Variants in MCF2L2 observed in about 807,000 individuals in gnomAD.
MCF2L2 encodes the protein MCF.2 cell line derived transforming sequence-like 2, also known as probable guanine nucleotide exchange factor MCF2L2.
A neutral mutation model predicts 150.2 loss-of-function variants in MCF2L2; 102 were observed. The ratio of observed to expected loss-of-function variants is 0.68; its 90% CI spans 0.58 to 0.80. The LOEUF is 0.80. Ranked by LOEUF, MCF2L2 falls within the 30% of genes least tolerant of loss-of-function variation. The pLI, the probability that MCF2L2 is intolerant of heterozygous loss-of-function variation, is 0.00. For synonymous variants in MCF2L2, 465 were observed against 491.3 expected, an observed-to-expected ratio of 0.95 and a Z score of 0.71; for missense variants, 1,256 against 1,372.8, an observed-to-expected ratio of 0.91 and a Z score of 1.34.
chr3:183,232,382 A>C (rs1457100550), intron 15 of MCF2L2, among the ~76,000 whole-genome samples: 3 of 152,174 alleles, frequency 2.0e-5, no homozygotes, highest in Non-Finnish European at 4.4e-5. Context: ...TAGGTCTCCT[A>C]AGTTTGTGGT....
intron 15 of MCF2L2, among the ~76,000 whole-genome samples, chr3:183,239,231 G>A (rs1247180507): frequency 6.6e-6 from 1 of 152,260 alleles, no homozygotes; most frequent in African/African-American, 2.4e-5. Flanking sequence ...TGTACTCTGC[G>A]TTAGTTTACA....
Position 183,389,780 on chromosome 3 carries a change from C to G in MCF2L2, c.77-1G>C. On this transcript the variant is annotated splice_acceptor_variant, in intron 1 of 29. Coordinates refer to ENST00000328913, the MANE Select transcript of MCF2L2 (RefSeq NM_015078.4). LOFTEE classifies it high-confidence loss of function. ...CTGACTTCCTGCTGCATAATTTCAT[C>G]TGCACAAATGAAATACAAAGTGGGT... The G allele has an allele frequency of 6.2e-7, 1 of 1,610,780 alleles. No homozygotes were observed. The highest frequency in any genetic ancestry group is 8.5e-7 in the Non-Finnish European group (1 of 1,176,966).
chr3:183,317,693 G>C (rs771190178), intron 7 of MCF2L2, among the ~76,000 whole-genome samples: 1 of 152,126 alleles, frequency 6.6e-6, no homozygotes, highest in African/African-American at 2.4e-5. Flanking sequence ...ATTTCAGCAC[G>C]TTCTGTCTTG....
chr3:183,189,163 G>A (rs1172977158), intron 27 of MCF2L2, among the ~76,000 whole-genome samples: 2 of 152,194 alleles, frequency 1.3e-5, no homozygotes, highest in East Asian at 3.9e-4. Flanking sequence ...CACTGCTGGG[G>A]CCGAGCACTG....
At chr3:183,250,365 C>T (rs1233391284) in intron 15 of MCF2L2, among the ~76,000 whole-genome samples, 1 of 152,120 alleles carries the variant, frequency 6.6e-6, no homozygotes, top group African/African-American at 2.4e-5. Context: ...GCGGGCGGAT[C>T]ACTTGAAGTC....
At position 183,195,466 on chromosome 3, in the gene MCF2L2, C is replaced by T. The variant is rs1237250968; in HGVS notation, c.2885-211G>A. 2.6e-5 allele frequency among the ~76,000 whole-genome samples: 4 copies of T among 152,292 alleles called. No individual in the cohort carries two copies. The South Asian group carries it at 8.3e-4, about 32-fold the overall frequency. ...GTGGTCCTGGCATCCTCCCCAACGT[C>T]TCTACCCCATCCTGCTGAGTTTCTG... On this transcript the variant is annotated intron_variant, in intron 25 of 29. Coordinates refer to ENST00000328913, the MANE Select transcript of MCF2L2 (RefSeq NM_015078.4).
chr3:183,284,250 C>T (rs1727666967), intron 14 of MCF2L2, among the ~76,000 whole-genome samples: 1 of 152,164 alleles, frequency 6.6e-6, no homozygotes, highest in East Asian at 1.9e-4. Context: ...TCACTCCTCT[C>T]AACTTTAGAC....
intron 1 of MCF2L2, among the ~76,000 whole-genome samples, chr3:183,396,077 A>G (rs900321524): frequency 6.6e-6 from 1 of 151,690 alleles, no homozygotes; most frequent in South Asian, 2.1e-4. Flanking sequence ...TATGTATTAA[A>G]GAACACTTGG....
chr3:183,385,511 T>C (rs1446372836), intron 2 of MCF2L2, among the ~76,000 whole-genome samples: 2 of 152,202 alleles, frequency 1.3e-5, no homozygotes, highest in African/African-American at 4.8e-5. Flanking sequence ...TATTGAGCAG[T>C]TGATTTCTTC....
At chr3:183,372,774 T>C (rs914766293) in intron 3 of MCF2L2, 1 of 152,186 alleles carries the variant, frequency 6.6e-6, no homozygotes, top group African/African-American at 2.4e-5. Flanking sequence ...TACCATCTAA[T>C]AAAAGTACTT....
chr3:183,420,681 G>A (rs73061161), intron 1 of MCF2L2, among the ~76,000 whole-genome samples: 2,485 of 152,310 alleles, frequency 0.016, 80 homozygotes, highest in African/African-American at 0.056. Flanking sequence ...CGCCTGGCTG[G>A]GGAAGCCTCA....
At chr3:183,199,674 C>T (rs1722198535) in intron 25 of MCF2L2, among the ~76,000 whole-genome samples, 2 of 149,630 alleles carry the variant, frequency 1.3e-5, no homozygotes, top group Admixed American at 6.7e-5. Context: ...GCACAACATG[C>T]AGGTTTGTTA....
intron 20 of MCF2L2, among the ~76,000 whole-genome samples, chr3:183,222,425 C>T (rs1444566024): frequency 1.3e-5 from 2 of 152,142 alleles, no homozygotes. Context: ...CGGCGCGTGC[C>T]TGTAATCTCA....
At chr3:183,278,634 T>C (rs1021539685) in intron 14 of MCF2L2, among the ~76,000 whole-genome samples, 1 of 152,206 alleles carries the variant, frequency 6.6e-6, no homozygotes, top group Non-Finnish European at 1.5e-5. Flanking sequence ...AGGCCCTTCA[T>C]AAAGAGTGAC....
In MCF2L2 at chr3:183,270,985, G is replaced by GA. The variant is rs1577008169; in HGVS notation, c.1862+5886dup. ...CACTGTCACTGAGTCAAACCTGGAT[G>GA]AAAAAAACCTTTAAATGTTCGTCTA... On this transcript the variant is annotated intron_variant, in intron 15 of 29. Coordinates refer to ENST00000328913, the MANE Select transcript of MCF2L2 (RefSeq NM_015078.4). The surrounding 1 kb of genome is among the most constrained non-coding windows in gnomAD (Gnocchi z 4.5). 5 of 1,478,728 alleles carry GA rather than the reference G, an allele frequency of 3.4e-6. No homozygotes were observed. The South Asian group carries it at 4.2e-5, about 12-fold the overall frequency. The allele number at this position is 1,478,728 out of a possible 1,614,324, so 91.6% of individuals were successfully genotyped here. A position where few individuals can be genotyped will look rare whatever the true frequency, so the allele number is the denominator to read the frequency against.
chr3:183,272,984 GA>G, intron 15 of MCF2L2: 1 of 1,473,572 alleles, frequency 6.8e-7, no homozygotes. Flanking sequence ...AAGGAAATAT[GA>G]AGGCACTTCC....
intron 10 of MCF2L2, among the ~76,000 whole-genome samples, chr3:183,302,212 C>G (rs1281785633): frequency 2.6e-5 from 4 of 152,192 alleles, no homozygotes; most frequent in African/African-American, 9.7e-5. Context: ...CAGACTTCAC[C>G]TCGCATGCCT....
At chr3:183,372,165 A>T (rs2108578486) in intron 3 of MCF2L2, 1 of 152,222 alleles carries the variant, frequency 6.6e-6, no homozygotes, top group East Asian at 1.9e-4. Flanking sequence ...CATAATAGTA[A>T]GAGGCCCAGA....
chr3:183,308,430 CA>C (rs1310014415), intron 10 of MCF2L2, among the ~76,000 whole-genome samples: 1 of 152,184 alleles, frequency 6.6e-6, no homozygotes, highest in Non-Finnish European at 1.5e-5. Context: ...ATCTAGTCAT[CA>C]TATATATGAA....
Sources: gnomAD v4.1 joint callset for allele counts (sites outside exome capture counted in the v4.1 genomes callset) on GRCh38, gnomAD v4.1.1 for gene constraint, Gnocchi (gnomAD v3.1) non-coding constraint, MANE v1.5 for transcripts, NCBI Gene and HGNC (gene_info 2026-07-23, HGNC 2026-07-21) for gene names.